GRM1: variants seen among roughly 807,000 people sequenced by gnomAD.
The protein encoded by GRM1 is glutamate metabotropic receptor 1, also known as metabotropic glutamate receptor 1.
A neutral mutation model predicts 90.9 loss-of-function variants in GRM1; 33 were observed. That is an observed-to-expected ratio of 0.36 (90% CI 0.28 to 0.49). The LOEUF (loss-of-function observed/expected upper bound fraction) is 0.49, where lower values mean the gene tolerates loss of function less well. Among genes scored for constraint, GRM1 ranks in the 20% least tolerant of loss-of-function variants. The probability of loss-of-function intolerance (pLI) is 0.99; values close to 1 mark genes in which losing one functional copy is unlikely to be tolerated. For missense variants in GRM1, 1,190 were observed against 1,534.3 expected (o/e 0.78, Z 3.75); for synonymous variants, 700 against 613.2 (o/e 1.14, Z -2.09).
chr6:146,364,030 C>A (rs1351894915), intron 5 of GRM1, among the ~76,000 whole-genome samples: 1 of 152,220 alleles, frequency 6.6e-6, no homozygotes, highest in Non-Finnish European at 1.5e-5. Flanking sequence ...TTCTACCTTT[C>A]CTATTCTCAC....
At chr6:146,064,219 G>T (rs1278655817) in intron 1 of GRM1, among the ~76,000 whole-genome samples, 1 of 152,152 alleles carries the variant, frequency 6.6e-6, no homozygotes, top group African/African-American at 2.4e-5. Flanking sequence ...GGCGTGATGT[G>T]CATGTGTGTG....
intron 4 of GRM1, among the ~76,000 whole-genome samples, chr6:146,357,305 T>A (rs1423055298): frequency 2.6e-5 from 4 of 152,226 alleles, no homozygotes. Flanking sequence ...AAGAGTAATT[T>A]AATTTTTAGT....
intron 2 of GRM1, among the ~76,000 whole-genome samples, chr6:146,193,890 G>A (rs763610889): frequency 4.0e-5 from 6 of 151,642 alleles, no homozygotes; most frequent in Non-Finnish European, 8.8e-5. Flanking sequence ...TACATACCTA[G>A]GAATGTAACT....
intron 6 of GRM1, among the ~76,000 whole-genome samples, chr6:146,397,714 CATTT>C (rs1399864697): frequency 2.0e-5 from 3 of 152,020 alleles, no homozygotes; most frequent in Non-Finnish European, 2.9e-5. Context: ...AGTTGGCACT[CATTT>C]ATTGAAGTGA....
chr6:146,054,452 C>T (rs887768781), intron 1 of GRM1, among the ~76,000 whole-genome samples: 3 of 151,918 alleles, frequency 2.0e-5, no homozygotes, highest in Admixed American at 6.6e-5. Flanking sequence ...AAGCTGTTTC[C>T]ATAGCAAGCT....
At chr6:146,133,953 A>G (rs1049964906) in intron 1 of GRM1, among the ~76,000 whole-genome samples, 16 of 152,228 alleles carry the variant, frequency 1.1e-4, no homozygotes, top group African/African-American at 3.6e-4. Context: ...ATTTTCGATA[A>G]CATCATATGT....
intron 2 of GRM1, among the ~76,000 whole-genome samples, chr6:146,281,029 T>G (rs1782547399): frequency 6.6e-6 from 1 of 152,172 alleles, no homozygotes; most frequent in South Asian, 2.1e-4. Context: ...CTTTTTTGTT[T>G]ATAGGTAACT....
intron 2 of GRM1, among the ~76,000 whole-genome samples, chr6:146,287,878 A>G (rs943432205): frequency 6.6e-6 from 1 of 152,218 alleles, no homozygotes; most frequent in Non-Finnish European, 1.5e-5. Flanking sequence ...GTCTGTTGAT[A>G]TCTTTGTCTC....
chr6:146,108,126 G>A (rs1303914522), intron 1 of GRM1, among the ~76,000 whole-genome samples: 1 of 152,218 alleles, frequency 6.6e-6, no homozygotes, highest in Non-Finnish European at 1.5e-5. Context: ...TGAAAATTGA[G>A]AGTCAGAGAA....
At chr6:146,198,149 G>T in intron 2 of GRM1, among the ~76,000 whole-genome samples, 1 of 152,190 alleles carries the variant, frequency 6.6e-6, no homozygotes, top group East Asian at 1.9e-4. Context: ...GCAGCTCTTT[G>T]TATATCAATT....
rs892375626 is a variant in GRM1 at position 146,029,529 on chromosome 6, C to T, written c.12C>T (p.Leu4=). Residue 4 remains leucine (L), a synonymous_variant, in exon 1 of 8, where the codon CTC becomes CTT. Transcript: ENST00000282753. ...TCGTCCTCACCACCATGGTCGGGCTCCTTTTGTTTTTTTTCCCAGCGATCT... is the reference window on the plus strand; with the variant it reads ...TCGTCCTCACCACCATGGTCGGGCTTCTTTTGTTTTTTTTCCCAGCGATCT... MVG[L]LLFFFPAIFL... The T allele has an allele frequency of 1.4e-5, 22 of 1,613,702 alleles. No homozygotes were observed. Among genetic ancestry groups the T allele is most frequent in the African/African-American group, 1.2e-4 (9 of 74,872 alleles).
intron 3 of GRM1, among the ~76,000 whole-genome samples, chr6:146,337,782 A>G (rs1784827081): frequency 6.6e-6 from 1 of 152,264 alleles, no homozygotes; most frequent in Non-Finnish European, 1.5e-5. Flanking sequence ...TGTTATCATT[A>G]TAATTTTAAA....
intron 2 of GRM1, among the ~76,000 whole-genome samples, chr6:146,227,627 A>G (rs2114694275): frequency 6.6e-6 from 1 of 152,312 alleles, no homozygotes; most frequent in East Asian, 1.9e-4. Flanking sequence ...TATGCTACTA[A>G]TCTATCAATG....
At position 146,359,663 on chromosome 6, in the gene GRM1, C is replaced by G. The variant is rs186725285; in HGVS notation, c.1602+1969C>G. On this transcript the variant is annotated intron_variant, in intron 5 of 7. Coordinates refer to ENST00000282753, the MANE Select transcript of GRM1 (RefSeq NM_001278064.2). ...CTGCTCACATACCACGTGTGCTCCCCTTTACACCTTCCAGAGGAGAGGCCT... is the reference window on the plus strand; with the variant it reads ...CTGCTCACATACCACGTGTGCTCCCGTTTACACCTTCCAGAGGAGAGGCCT... 3.3e-3 allele frequency among the ~76,000 whole-genome samples: 504 copies of G among 152,332 alleles called. 5 individuals carry two copies. The highest frequency in any genetic ancestry group is 0.012 in the African/African-American group (483 of 41,566).
At chr6:146,185,416 G>A (rs2114560771) in intron 2 of GRM1, among the ~76,000 whole-genome samples, 1 of 152,324 alleles carries the variant, frequency 6.6e-6, no homozygotes, top group East Asian at 1.9e-4. Flanking sequence ...CACAGACCCT[G>A]ATTTGGCTAC....
Position 146,352,462 on chromosome 6 carries a change from G to T in GRM1, c.1399G>T (p.Val467Leu), listed in dbSNP as rs1785441361. ...ATTCATTGGAGTATCTGGAGAGGAGGTGTGGTTTGATGAGAAAGGAGACGC... is the reference window on the plus strand; with the variant it reads ...ATTCATTGGAGTATCTGGAGAGGAGTTGTGGTTTGATGAGAAAGGAGACGC... ...SSFIGVSGEE[V>L]WFDEKGDAPG... is the part of the protein sequence containing the mutation. The change falls in exon 4 of 8, where the codon GTG becomes TTG. Residue 467 changes from valine to leucine, a missense_variant. Around this residue, in one of 10 missense-constraint regions of GRM1, gnomAD observed 414 missense variants for 598.4 expected, o/e 0.69. Transcript: ENST00000282753. 1 of 1,613,698 alleles carries T rather than the reference G, an allele frequency of 6.2e-7. No homozygotes were observed. The highest frequency in any genetic ancestry group is 1.7e-5 in the Admixed American group (1 of 59,998).
chr6:146,028,470 C>A (rs1582896179), upstream of GRM1, among the ~76,000 whole-genome samples: 1 of 151,916 alleles, frequency 6.6e-6, no homozygotes. Context: ...CCTCCGTTCC[C>A]TTTCTAGCAA....
At chr6:146,418,228 C>T (rs960758746) in intron 7 of GRM1, among the ~76,000 whole-genome samples, 17 of 152,038 alleles carry the variant, frequency 1.1e-4, no homozygotes, top group African/African-American at 3.6e-4. Context: ...AGAATGTTTA[C>T]ATTATATCTT....
chr6:146,043,846 A>G (rs997249447), intron 1 of GRM1, among the ~76,000 whole-genome samples: 1 of 145,780 alleles, frequency 6.9e-6, no homozygotes, highest in Non-Finnish European at 1.5e-5. Context: ...GTATATCTCA[A>G]CCAGAATTTC....
Sources: allele counts gnomAD v4.1 joint callset (sites outside exome capture counted in the v4.1 genomes callset), GRCh38; gene constraint gnomAD v4.1.1; regional missense constraint gnomAD v4.1.1; transcripts MANE v1.5; gene names NCBI Gene and HGNC (gene_info 2026-07-23, HGNC 2026-07-21).